PHF2: variants seen among roughly 807,000 people sequenced by gnomAD.
The protein encoded by PHF2 is lysine-specific demethylase PHF2.
In PHF2, 27 loss-of-function variants were observed where a neutral mutation model predicts 120.5. The observed-to-expected ratio is 0.22, with a 90% CI of 0.17 to 0.31. The LOEUF (loss-of-function observed/expected upper bound fraction) is 0.31, where lower values mean the gene tolerates loss of function less well. Among genes scored for constraint, PHF2 ranks in the 10% least tolerant of loss-of-function variants. PHF2 has a pLI of 1.00. For synonymous variants in PHF2, 568 were observed against 592.5 expected, an observed-to-expected ratio of 0.96 and a Z score of 0.60; for missense variants, 1,024 against 1,434.8, an observed-to-expected ratio of 0.71 and a Z score of 4.63.
At chr9:93,646,892 C>T (rs2117878080) in intron 4 of PHF2, among the ~76,000 whole-genome samples, 1 of 152,288 alleles carries the variant, frequency 6.6e-6, no homozygotes, top group South Asian at 2.1e-4. Context: ...GTTGGGTGTC[C>T]ATGCACAGGG....
In PHF2 at chr9:93,676,870, G is replaced by A; in HGVS notation, c.3109G>A (p.Ala1037Thr). Residue 1037 changes from alanine to threonine, a missense_variant, in exon 21 of 22, where the codon GCT becomes ACT. Physicochemically the swap from Ala to Thr is moderately conservative, Grantham distance 58. This residue lies in a region of PHF2 where 677 missense variants were observed against 857.4 expected (regional missense o/e 0.79). Coordinates refer to ENST00000359246, the MANE Select transcript of PHF2 (RefSeq NM_005392.4). ...CGCTGGCACCTTCACCGGGGCCCAG[G>A]CTGGCCGCACCTCCCAGCCCATGGC... Reference protein sequence around the residue: ...TAAGTFTGAQAGRTSQPMAPG... With the variant: ...TAAGTFTGAQTGRTSQPMAPG... 6.4e-7 allele frequency: 1 copy of A among 1,572,324 alleles called. No homozygotes were observed. The highest frequency in any genetic ancestry group is 1.3e-5 in the African/African-American group (1 of 74,444).
At chr9:93,640,484 A>G (rs1244899441) in intron 3 of PHF2, among the ~76,000 whole-genome samples, 1 of 151,990 alleles carries the variant, frequency 6.6e-6, no homozygotes, top group Non-Finnish European at 1.5e-5. Flanking sequence ...TAGTCTACTG[A>G]TGAGCCCATC....
At chr9:93,581,274 C>T (rs1321716582) in intron 1 of PHF2, among the ~76,000 whole-genome samples, 1 of 152,190 alleles carries the variant, frequency 6.6e-6, no homozygotes, top group Non-Finnish European at 1.5e-5. Flanking sequence ...CCAGGCGGGG[C>T]TGTGGCCTCG....
At chr9:93,578,248 C>A (rs1862870489) in intron 1 of PHF2, among the ~76,000 whole-genome samples, 1 of 152,142 alleles carries the variant, frequency 6.6e-6, no homozygotes, top group South Asian at 2.1e-4. Context: ...GGGATGCCCA[C>A]GGAAATCTGG....
chr9:93,650,054 G>A (rs1021995937), intron 5 of PHF2, among the ~76,000 whole-genome samples: 1 of 147,842 alleles, frequency 6.8e-6, no homozygotes, highest in East Asian at 2.1e-4. Context: ...ACAACACACC[G>A]ACACTCACCC....
At position 93,657,315 on chromosome 9, in the gene PHF2, AG is replaced by A. The variant is rs1826478504; in HGVS notation, c.1147+722del. Reference sequence around the variant, plus strand: ...TTTGTACTCTGGCCCTAGTTTGAGAAGGTAAAATGGTCCTTAGTCACGGCTG... The same window carrying A: ...TTTGTACTCTGGCCCTAGTTTGAGAAGTAAAATGGTCCTTAGTCACGGCTG... On this transcript the variant is annotated intron_variant, in intron 9 of 21. Transcript: ENST00000359246. Among the ~76,000 whole-genome samples the A allele has an allele frequency of 2.6e-5, 4 of 152,156 alleles. No homozygotes were observed. The South Asian group carries it at 6.2e-4, about 24-fold the overall frequency.
At chr9:93,620,126 G>A (rs1564383952) in intron 1 of PHF2, among the ~76,000 whole-genome samples, 4 of 152,204 alleles carry the variant, frequency 2.6e-5, no homozygotes, top group South Asian at 2.1e-4. Context: ...GTGGGCTCCC[G>A]GGACAGACCT....
intron 1 of PHF2, among the ~76,000 whole-genome samples, chr9:93,624,437 G>A (rs1203038247): frequency 1.3e-5 from 2 of 152,052 alleles, no homozygotes; most frequent in Non-Finnish European, 2.9e-5. Context: ...TGGTAATGGT[G>A]GTGGTGGTGA....
intron 1 of PHF2, among the ~76,000 whole-genome samples, chr9:93,623,314 A>T (rs1407876026): frequency 1.3e-5 from 2 of 152,216 alleles, no homozygotes; most frequent in Admixed American, 6.5e-5. Context: ...TTCAGCTCCC[A>T]GTTCATCTGG....
intron 18 of PHF2, 72 bp from the exon 19 acceptor site, chr9:93,674,855 G>C (rs1353287809): frequency 9.1e-7 from 1 of 1,094,198 alleles, no homozygotes; most frequent in Non-Finnish European, 1.4e-6. Flanking sequence ...GCAGCCACCT[G>C]TACCCCCCCG....
At chr9:93,606,504 T>C (rs963114369) in intron 1 of PHF2, among the ~76,000 whole-genome samples, 1 of 152,262 alleles carries the variant, frequency 6.6e-6, no homozygotes, top group African/African-American at 2.4e-5. Context: ...GCTATCCGTA[T>C]ATCTTCTTTA....
chr9:93,669,307 G>T (rs1826739556), intron 17 of PHF2, among the ~76,000 whole-genome samples: 1 of 152,260 alleles, frequency 6.6e-6, no homozygotes, highest in Admixed American at 6.5e-5. Context: ...CAAGCTGCGT[G>T]CTCTGGCTGG....
At chr9:93,613,694 C>A (rs1226533666) in intron 1 of PHF2, among the ~76,000 whole-genome samples, 3 of 151,896 alleles carry the variant, frequency 2.0e-5, no homozygotes, top group Admixed American at 2.0e-4. Context: ...GCCTCAGCCT[C>A]CTGAGTAGCT....
At chr9:93,609,759 G>A (rs778485338) in intron 1 of PHF2, among the ~76,000 whole-genome samples, 35 of 152,168 alleles carry the variant, frequency 2.3e-4, no homozygotes, top group African/African-American at 8.2e-4. Context: ...CTAGAGTGCA[G>A]TGGTACAATC....
intron 1 of PHF2, among the ~76,000 whole-genome samples, chr9:93,621,627 G>A (rs1377368022): frequency 6.6e-6 from 1 of 152,220 alleles, no homozygotes; most frequent in East Asian, 1.9e-4. Context: ...GCGGGGCCAG[G>A]TGTGAGGACT....
At chr9:93,592,810 G>A (rs776316999) in intron 1 of PHF2, among the ~76,000 whole-genome samples, 1 of 152,096 alleles carries the variant, frequency 6.6e-6, no homozygotes, top group African/African-American at 2.4e-5. Context: ...GCACCAGTAC[G>A]TGGCCTTGCA....
At chr9:93,644,631 G>C (rs1826224458) in intron 3 of PHF2, among the ~76,000 whole-genome samples, 1 of 152,018 alleles carries the variant, frequency 6.6e-6, no homozygotes, top group Non-Finnish European at 1.5e-5. Context: ...GCTCACAACT[G>C]TGCCCATCCC....
chr9:93,653,541 G>T (rs1826404735), intron 6 of PHF2, among the ~76,000 whole-genome samples, 176 bp downstream of exon 6: 1 of 152,248 alleles, frequency 6.6e-6, no homozygotes, highest in African/African-American at 2.4e-5. Flanking sequence ...AGGGGCAGGG[G>T]TGCATGTGGG....
Position 93,676,456 on chromosome 9 carries a change from C to T in PHF2, c.2833-138C>T. On this transcript the variant is annotated intron_variant, in intron 20 of 21. Coordinates refer to ENST00000359246, the MANE Select transcript of PHF2 (RefSeq NM_005392.4). Reference sequence around the variant, plus strand: ...GTGTGCATGCTGTGCCCCTGGCGGCCCAGAGTCAGGCCTCAGGCCCCTGCT... The same window carrying T: ...GTGTGCATGCTGTGCCCCTGGCGGCTCAGAGTCAGGCCTCAGGCCCCTGCT... 5 of 1,033,876 alleles carry T rather than the reference C, an allele frequency of 4.8e-6. No individual in the cohort carries two copies. In the Admixed American group the frequency reaches 1.4e-4, roughly 28 times the overall value. 64.0% of individuals were successfully genotyped at this position (1,033,876 alleles called of 1,614,324 possible).
Sources: allele counts gnomAD v4.1 joint callset (sites outside exome capture counted in the v4.1 genomes callset), GRCh38; gene constraint gnomAD v4.1.1; regional missense constraint gnomAD v4.1.1; transcripts MANE v1.5; gene names NCBI Gene and HGNC (gene_info 2026-07-23, HGNC 2026-07-21).